The following IL1RAPL2 variants were observed in gnomAD, a reference collection of about 807,000 sequenced individuals.
IL1RAPL2 encodes the protein X-linked interleukin-1 receptor accessory protein-like 2.
A neutral mutation model predicts 44.1 loss-of-function variants in IL1RAPL2; 3 were observed. The ratio of observed to expected loss-of-function variants is 0.07; its 90% CI spans 0.03 to 0.18. The LOEUF (loss-of-function observed/expected upper bound fraction) is 0.18, where lower values mean the gene tolerates loss of function less well. Among genes scored for constraint, IL1RAPL2 ranks in the 10% least tolerant of loss-of-function variants. IL1RAPL2 has a pLI of 1.00. For synonymous variants in IL1RAPL2, 181 were observed against 178.8 expected (o/e 1.01, Z -0.10); for missense variants, 391 against 496.4 (o/e 0.79, Z 2.02).
At chrX:104,659,400 T>C (rs1304776896) in intron 2 of IL1RAPL2, among the ~76,000 whole-genome samples, 1 of 111,883 alleles carries the variant, frequency 8.9e-6, no homozygotes, top group Non-Finnish European at 1.9e-5. Flanking sequence ...GAGTTTTAGT[T>C]CCTTATAGTT....
chrX:104,745,183 C>A (rs1414558450), intron 2 of IL1RAPL2, among the ~76,000 whole-genome samples: 1 of 111,614 alleles, frequency 9.0e-6, no homozygotes, highest in Non-Finnish European at 1.9e-5. Flanking sequence ...GCTACAGACC[C>A]CCTCTGATTT....
intron 2 of IL1RAPL2, among the ~76,000 whole-genome samples, chrX:105,118,833 A>G (rs2032890153): frequency 8.9e-6 from 1 of 112,253 alleles, no homozygotes; most frequent in Non-Finnish European, 1.9e-5. Flanking sequence ...CAAAAAACAT[A>G]TGGTACACAG....
intron 6 of IL1RAPL2, among the ~76,000 whole-genome samples, chrX:105,678,171 A>T (rs373415067): frequency 2.7e-5 from 3 of 112,529 alleles, no homozygotes; most frequent in African/African-American, 9.7e-5. Context: ...TTCAGTACTG[A>T]CATAAAATAT....
At chrX:105,017,308 G>T (rs1462221571) in intron 2 of IL1RAPL2, among the ~76,000 whole-genome samples, 1 of 110,933 alleles carries the variant, frequency 9.0e-6, no homozygotes, top group Non-Finnish European at 1.9e-5. Flanking sequence ...CTTCAGTTCT[G>T]CTCTGATCTT....
At chrX:105,680,827 T>G (rs913830142) in intron 6 of IL1RAPL2, among the ~76,000 whole-genome samples, 2 of 111,789 alleles carry the variant, frequency 1.8e-5, no homozygotes, top group Non-Finnish European at 3.8e-5. Context: ...TAACAAAAGA[T>G]AGGTTAACAA....
intron 5 of IL1RAPL2, among the ~76,000 whole-genome samples, chrX:105,282,181 T>A (rs2034537506): frequency 8.9e-6 from 1 of 111,962 alleles, no homozygotes; most frequent in Non-Finnish European, 1.9e-5. Context: ...TTAAGGGATG[T>A]ATGAGCCAAG....
chrX:105,094,519 G>C (rs907998571), intron 2 of IL1RAPL2, among the ~76,000 whole-genome samples: 1 of 111,480 alleles, frequency 9.0e-6, no homozygotes, highest in African/African-American at 3.3e-5. Flanking sequence ...GTGTTTTCTA[G>C]ACTGTCAGTT....
At chrX:105,271,441 C>A (rs6621953) in intron 5 of IL1RAPL2, among the ~76,000 whole-genome samples, 1 of 111,101 alleles carries the variant, frequency 9.0e-6, no homozygotes, top group Non-Finnish European at 1.9e-5. Flanking sequence ...TTTCTTTATT[C>A]TCATGTTGAA....
intron 5 of IL1RAPL2, chrX:105,407,160 A>G: frequency 2.0e-6 from 1 of 492,650 alleles, no homozygotes. Flanking sequence ...AATTAAAAAA[A>G]AAAAAACACA....
intron 5 of IL1RAPL2, among the ~76,000 whole-genome samples, chrX:105,404,662 A>G (rs2035629345): frequency 9.0e-6 from 1 of 111,315 alleles, no homozygotes; most frequent in African/African-American, 3.3e-5. Flanking sequence ...TTTATATTCA[A>G]ATGGTTCAAC....
intron 4 of IL1RAPL2, among the ~76,000 whole-genome samples, chrX:105,251,166 A>C (rs969440161): frequency 1.8e-5 from 2 of 110,916 alleles, no homozygotes; most frequent in African/African-American, 3.3e-5. Flanking sequence ...CAATAAGTTA[A>C]GTTTTTAAAG....
chrX:105,661,314 T>G (rs1222348075), intron 6 of IL1RAPL2, among the ~76,000 whole-genome samples: 4 of 111,951 alleles, frequency 3.6e-5, no homozygotes, highest in Non-Finnish European at 3.8e-5. Context: ...TACAGCCTCA[T>G]GCAATAATAT....
intron 2 of IL1RAPL2, among the ~76,000 whole-genome samples, chrX:104,853,982 A>G (rs1922295725): frequency 9.0e-6 from 1 of 110,542 alleles, no homozygotes; most frequent in Admixed American, 9.7e-5. Flanking sequence ...ACCAGGCAGA[A>G]GAATATGAAT....
chrX:104,868,619 A>C (rs1442100657), intron 2 of IL1RAPL2, among the ~76,000 whole-genome samples: 4 of 112,436 alleles, frequency 3.6e-5, no homozygotes, highest in African/African-American at 1.3e-4. Context: ...CCAAAGAAAC[A>C]TAAGTGCTGC....
intron 1 of IL1RAPL2, among the ~76,000 whole-genome samples, chrX:104,597,363 A>AAG (rs1398371538): frequency 9.5e-6 from 1 of 105,811 alleles, no homozygotes; most frequent in South Asian, 4.0e-4. Flanking sequence ...AAAAAAAAAA[A>AAG]AGAGAGAGAC....
At chrX:104,950,621 A>G (rs1233551574) in intron 2 of IL1RAPL2, among the ~76,000 whole-genome samples, 2 of 112,469 alleles carry the variant, frequency 1.8e-5, no homozygotes, top group African/African-American at 6.5e-5. Context: ...GCAATGAGCG[A>G]TACTCCGTGG....
intron 6 of IL1RAPL2, among the ~76,000 whole-genome samples, chrX:105,495,568 G>GTGAAGGTGTTGACTGTATATC (rs2036351034): frequency 8.9e-6 from 1 of 111,758 alleles, no homozygotes; most frequent in South Asian, 3.7e-4. Context: ...TTCCTTAGTT[G>GTGAAGGTGTTGACTGTATATC]TGAAGGTGTT....
chrX:104,676,466 T>A (rs765396405), intron 2 of IL1RAPL2, among the ~76,000 whole-genome samples: 1 of 112,151 alleles, frequency 8.9e-6, no homozygotes, highest in African/African-American at 3.2e-5. Flanking sequence ...TGCTGAGAGA[T>A]CCACTGTTAG....
chrX:105,505,911 A>G (rs955200132), intron 6 of IL1RAPL2, among the ~76,000 whole-genome samples: 2 of 111,822 alleles, frequency 1.8e-5, no homozygotes, highest in South Asian at 3.7e-4. Context: ...GCTGAAGGCA[A>G]TTCAGTCTAA....
Sources: gnomAD v4.1 joint callset for allele counts (sites outside exome capture counted in the v4.1 genomes callset) on GRCh38, gnomAD v4.1.1 for gene constraint, MANE v1.5 for transcripts, NCBI Gene and HGNC (gene_info 2026-07-23, HGNC 2026-07-21) for gene names.